The following PSMD14 variants were observed in gnomAD, a reference collection of about 807,000 sequenced individuals.
The protein encoded by PSMD14 is proteasome 26S subunit, non-ATPase 14.
In PSMD14, 7 loss-of-function variants were observed where a neutral mutation model predicts 41.2. The observed-to-expected ratio is 0.17, with a 90% CI of 0.10 to 0.32. The LOEUF (loss-of-function observed/expected upper bound fraction) is 0.32, where lower values mean the gene tolerates loss of function less well. PSMD14 is among the 10% of genes least tolerant of loss of function. The pLI is 1.00. For synonymous variants in PSMD14, 114 were observed against 122.3 expected (o/e 0.93, Z 0.45); for missense variants, 139 against 375.6 (o/e 0.37, Z 5.21).
intron 1 of PSMD14, among the ~76,000 whole-genome samples, chr2:161,311,322 A>G (rs1339113279): frequency 6.6e-6 from 1 of 152,180 alleles, no homozygotes; most frequent in East Asian, 1.9e-4. Flanking sequence ...AAAGGAAAAA[A>G]AAAATTGCAT....
intron 3 of PSMD14, among the ~76,000 whole-genome samples, chr2:161,319,293 G>A (rs1354837582): frequency 6.6e-6 from 1 of 151,890 alleles, no homozygotes; most frequent in African/African-American, 2.4e-5. Flanking sequence ...TCTTAACACT[G>A]GTAAATTTCT....
At chr2:161,372,737 A>G (rs1683453473) in intron 7 of PSMD14, among the ~76,000 whole-genome samples, 1 of 151,978 alleles carries the variant, frequency 6.6e-6, no homozygotes, top group South Asian at 2.1e-4. Flanking sequence ...CTTAAGTTTA[A>G]TTCTCTATTT....
intron 3 of PSMD14, among the ~76,000 whole-genome samples, chr2:161,356,429 T>A (rs1017793227): frequency 1.3e-5 from 2 of 152,198 alleles, no homozygotes; most frequent in Admixed American, 6.5e-5. Flanking sequence ...AATTCATTTA[T>A]GTTGCATTTT....
chr2:161,388,537 C>G (rs1683664086), intron 8 of PSMD14, among the ~76,000 whole-genome samples: 1 of 152,058 alleles, frequency 6.6e-6, no homozygotes, highest in South Asian at 2.1e-4. Context: ...CTCCCTTCCT[C>G]TTTTGCCTTC....
intron 3 of PSMD14, among the ~76,000 whole-genome samples, chr2:161,361,730 G>A (rs1683291587): frequency 6.6e-6 from 1 of 152,114 alleles, no homozygotes; most frequent in Admixed American, 6.5e-5. Context: ...ACTGAAGAAA[G>A]GTAAGGTGAG....
chr2:161,389,868 T>A (rs1470379578), intron 8 of PSMD14, among the ~76,000 whole-genome samples: 1 of 147,610 alleles, frequency 6.8e-6, no homozygotes, highest in Non-Finnish European at 1.5e-5. Flanking sequence ...TATTTGTGTC[T>A]TATTTTCTTT....
At chr2:161,315,090 T>C (rs1689132727) in intron 1 of PSMD14, among the ~76,000 whole-genome samples, 1 of 152,200 alleles carries the variant, frequency 6.6e-6, no homozygotes, top group Admixed American at 6.5e-5. Flanking sequence ...TGGTTCTCAA[T>C]TGAGAGTGAT....
chr2:161,408,153 T>C (rs913433536), intron 10 of PSMD14: 5 of 152,160 alleles, frequency 3.3e-5, no homozygotes, highest in Non-Finnish European at 5.9e-5. Context: ...ATTTTGATTA[T>C]ATTTGGTTTT....
At position 161,395,101 on chromosome 2, in the gene PSMD14, G is replaced by A; in HGVS notation, c.669G>A (p.Lys223=). The A allele has an allele frequency of 1.3e-6, 2 of 1,592,286 alleles. No homozygotes were observed. Among genetic ancestry groups the A allele is most frequent in the East Asian group, 2.3e-5 (1 of 44,142 alleles). The change falls in exon 10 of 12, where the codon AAG becomes AAA. Residue 223 remains lysine (K), a synonymous_variant. Transcript: ENST00000409682. The part of the protein sequence containing the change: ...EQKMLLNLHK[K]SWMEGLTLQD... ...AGATGTTGCTAAATTTGCATAAGAA[G>A]AGTTGGATGGAAGGTTTGACACTTC...
chr2:161,372,834 CT>C (rs970458982), intron 7 of PSMD14, among the ~76,000 whole-genome samples: 12 of 151,732 alleles, frequency 7.9e-5, no homozygotes, highest in Non-Finnish European at 1.5e-5. Context: ...ATAAAGTCCC[CT>C]ACCACAATAT....
rs933724076 is a variant in PSMD14 at position 161,320,680 on chromosome 2, A to G, written c.48+1807A>G. Among the ~76,000 whole-genome samples, 21 of 152,080 alleles carry G rather than the reference A, an allele frequency of 1.4e-4. No homozygotes were observed. In the South Asian group the frequency reaches 3.1e-3, roughly 23 times the overall value. ...GTTACTTTTGTAACATGAAACGTTA[A>G]GTGTATTTTTTTGCCTAATAAGAAT... On this transcript the variant is annotated intron_variant, in intron 3 of 11. Transcript: ENST00000409682.
chr2:161,397,563 G>T (rs1357782563), intron 10 of PSMD14, among the ~76,000 whole-genome samples: 1 of 152,144 alleles, frequency 6.6e-6, no homozygotes, highest in Non-Finnish European at 1.5e-5. Context: ...AAGATTTCAG[G>T]ATCATAGTTA....
intron 3 of PSMD14, among the ~76,000 whole-genome samples, chr2:161,334,842 G>A (rs1046268939): frequency 3.3e-5 from 5 of 152,244 alleles, no homozygotes; most frequent in African/African-American, 1.2e-4. Flanking sequence ...GGATTATACA[G>A]GCATGAGCCA....
intron 11 of PSMD14, among the ~76,000 whole-genome samples, chr2:161,410,838 A>G (rs1045691164): frequency 5.3e-5 from 8 of 152,102 alleles, no homozygotes; most frequent in Admixed American, 5.2e-4. Flanking sequence ...GATTTTTGCT[A>G]TTATAAAACA....
At chr2:161,385,439 T>A (rs775720562) in intron 7 of PSMD14, 25 bp from the exon 8 acceptor site, 7 of 1,471,880 alleles carry the variant, frequency 4.8e-6, no homozygotes, top group Admixed American at 1.8e-5. Context: ...TAAAAAAAAA[T>A]TGACTTGACA....
chr2:161,317,967 T>A (rs1689163484), intron 2 of PSMD14, among the ~76,000 whole-genome samples: 1 of 152,210 alleles, frequency 6.6e-6, no homozygotes, highest in Admixed American at 6.5e-5. Flanking sequence ...TTACTTCTTT[T>A]TGTTATTTAA....
At chr2:161,345,394 C>T (rs1319301480) in intron 3 of PSMD14, among the ~76,000 whole-genome samples, 1 of 151,652 alleles carries the variant, frequency 6.6e-6, no homozygotes, top group Non-Finnish European at 1.5e-5. Context: ...AGGTGCATGC[C>T]ACTATGCCCG....
At chr2:161,367,392 T>C in intron 3 of PSMD14, 86 bp from the exon 4 acceptor site, 2 of 1,094,530 alleles carry the variant, frequency 1.8e-6, no homozygotes, top group Non-Finnish European at 2.6e-6. Flanking sequence ...ATTTTAAAAA[T>C]ATCAAGTTTA....
intron 3 of PSMD14, among the ~76,000 whole-genome samples, chr2:161,340,334 C>A (rs1312795722): frequency 6.6e-6 from 1 of 152,146 alleles, no homozygotes; most frequent in Admixed American, 6.6e-5. Flanking sequence ...GTCGGCTGAC[C>A]ACCCTGACGG....
Sources: gnomAD v4.1 joint callset for allele counts (sites outside exome capture counted in the v4.1 genomes callset) on GRCh38, gnomAD v4.1.1 for gene constraint, MANE v1.5 for transcripts, NCBI Gene and HGNC (gene_info 2026-07-23, HGNC 2026-07-21) for gene names.